Variants in ACAP3 observed in about 807,000 individuals in gnomAD.
ACAP3 encodes the protein arf-GAP with coiled-coil, ANK repeat and PH domain-containing protein 3.
Under a neutral mutation model 104.1 loss-of-function variants are expected in ACAP3, and 56 were observed. The observed-to-expected ratio is 0.54, with a 90% CI of 0.43 to 0.67. ACAP3 has a LOEUF of 0.67. Among genes scored for constraint, ACAP3 ranks in the 30% least tolerant of loss-of-function variants. The pLI, the probability that ACAP3 is intolerant of heterozygous loss-of-function variation, is 0.00. For missense variants in ACAP3, 1,208 were observed against 1,174.9 expected (o/e 1.03, Z -0.41); for synonymous variants, 628 against 496.2 (o/e 1.27, Z -3.53).
In ACAP3 at chr1:1,293,408, C is replaced by A; in HGVS notation, c.*156G>T. ...GACTCAGTGTGGGGCCCTCGCTCTCCTCCTGGGCGAGCAGGGCCGCGGCGC... is the reference window on the plus strand; with the variant it reads ...GACTCAGTGTGGGGCCCTCGCTCTCATCCTGGGCGAGCAGGGCCGCGGCGC... On this transcript the variant is annotated 3_prime_UTR_variant, in exon 24 of 24. Coordinates refer to ENST00000354700, the MANE Select transcript of ACAP3 (RefSeq NM_030649.3). 1 of 733,328 alleles carries A rather than the reference C, an allele frequency of 1.4e-6. No individual in the cohort carries two copies. Among genetic ancestry groups the A allele is most frequent in the African/African-American group, 1.9e-5 (1 of 52,312 alleles). 45.4% of individuals were successfully genotyped at this position (733,328 alleles called of 1,614,324 possible).
In ACAP3 at chr1:1,300,085, G is replaced by A; in HGVS notation, c.568-17C>T. 1 of 1,611,216 alleles carries A rather than the reference G, an allele frequency of 6.2e-7. No individual in the cohort carries two copies. The highest frequency in any genetic ancestry group is 8.5e-7 in the Non-Finnish European group (1 of 1,178,966). On this transcript the variant is annotated splice_polypyrimidine_tract_variant and intron_variant, in intron 7 of 23. Transcript: ENST00000354700. ...GGACAGCATCTGCGGGGGCAGCACA[G>A]GTGAGGCCCAAGCACACCCGGTCCA...
chr1:1,295,634 GGAGCCTGAGGTGCCCCCA>G, intron 18 of ACAP3, 80 bp from the exon 19 acceptor site: 3 of 1,560,216 alleles, frequency 1.9e-6, no homozygotes, highest in Non-Finnish European at 1.7e-6. Flanking sequence ...GGGAGTCTGC[GGAGCCTGAGGTGCCCCCA>G]GAGCCCTGCC....
chr1:1,295,839 C>G lies in ACAP3; in HGVS notation c.1602G>C (p.Arg534Ser). 6.2e-7 allele frequency: 1 copy of G among 1,611,420 alleles called. No individual in the cohort carries two copies. The highest frequency in any genetic ancestry group is 8.5e-7 in the Non-Finnish European group (1 of 1,179,968). Residue 534 changes from arginine to serine, a missense_variant, in exon 18 of 24, where the codon AGG becomes AGC. Physicochemically the swap from Arg to Ser is moderately radical, Grantham distance 110 (BLOSUM62 -1). Transcript: ENST00000354700. ...TGTGGGGCCGCAGGCACTTCTGCAC[C>G]CTCCAGCGTCTTGGGGCCTCCAGGG... The part of the protein sequence containing the change: ...APALEAPRRW[R>S]VQKCLRPHSS...
intron 4 of ACAP3, 88 bp from the exon 5 acceptor site, chr1:1,302,134 GC>G: frequency 1.7e-6 from 2 of 1,193,312 alleles, no homozygotes; most frequent in Non-Finnish European, 2.2e-6. Context: ...AGAGGGCACT[GC>G]CCCCAGGCCC....
At chr1:1,295,655 G>A in intron 18 of ACAP3, 81 bp downstream of exon 18, 1 of 1,550,698 alleles carries the variant, frequency 6.4e-7, no homozygotes, top group Non-Finnish European at 8.7e-7. Flanking sequence ...TGCCCCCAGA[G>A]CCCTGCCACC....
chr1:1,296,353 C>A, intron 15 of ACAP3, 72 bp downstream of exon 15: 1 of 1,534,928 alleles, frequency 6.5e-7, no homozygotes, highest in East Asian at 2.4e-5. Context: ...CACCCCCGGC[C>A]TGGCCCTCAG....
At position 1,298,357 on chromosome 1, in the gene ACAP3, G is replaced by A. The variant is rs769425311; in HGVS notation, c.915+13C>T. The stretch of plus-strand genomic sequence containing the variant: ...CCAGCCATCAGGGCCCCAGCCCCAG[G>A]CCCAGGGCACACCTTGAGCTTCTTC... On this transcript the variant is annotated intron_variant, in intron 12 of 23. Transcript: ENST00000354700. 6 of 1,605,550 alleles carry A rather than the reference G, an allele frequency of 3.7e-6. No homozygotes were observed. In the South Asian group the frequency reaches 5.5e-5, roughly 15 times the overall value.
intron 15 of ACAP3, 65 bp from the exon 16 acceptor site, chr1:1,296,345 C>T: frequency 1.3e-6 from 2 of 1,548,354 alleles, no homozygotes; most frequent in African/African-American, 1.4e-5. Context: ...CCAACCCCCA[C>T]CCCCGGCCTG....
chr1:1,303,337 C>T lies in ACAP3; in HGVS notation c.106-56G>A. On this transcript the variant is annotated intron_variant, in intron 2 of 23. Transcript: ENST00000354700. This position sits in a 1 kb window ranked among gnomAD's most constrained non-coding sequence, Gnocchi z 4.0. ...TGGGCACTGGCGCCTGCACTCGCCA[C>T]CACACACGGCCACTCAGAGGCAGGA... 3 of 1,537,840 alleles carry T rather than the reference C, an allele frequency of 2.0e-6. No individual in the cohort carries two copies. In the East Asian group the frequency reaches 7.4e-5, roughly 38 times the overall value.
In ACAP3 at chr1:1,297,832, C is replaced by G. The variant is rs146361230; in HGVS notation, c.1118G>C (p.Cys373Ser). The G allele has an allele frequency of 1.2e-6, 2 of 1,611,212 alleles. No homozygotes were observed. Among genetic ancestry groups the G allele is most frequent in the African/African-American group, 2.7e-5 (2 of 74,874 alleles). The change falls in exon 14 of 24, where the codon TGC becomes TCC. Residue 373 changes from cysteine (C) to serine (S), a missense_variant. Cys to Ser is a moderately radical substitution (Grantham distance 112). Coordinates refer to ENST00000354700, the MANE Select transcript of ACAP3 (RefSeq NM_030649.3). ...ASAYRESPDS[C>S]YSERLDRTAS... Reference sequence around the variant, plus strand: ...CACCAAGGGCCACACCTCGCTATAGCAACTGTCAGGGCTCTCGCGGTAGGC... The same window carrying G: ...CACCAAGGGCCACACCTCGCTATAGGAACTGTCAGGGCTCTCGCGGTAGGC...
chr1:1,297,779 G>A (rs372954341), intron 14 of ACAP3, 43 bp downstream of exon 14: 46 of 1,564,952 alleles, frequency 2.9e-5, no homozygotes, highest in Non-Finnish European at 3.3e-5. Flanking sequence ...CCGGTGGCAC[G>A]TGTGTGTGCA....
chr1:1,302,115 C>A, intron 4 of ACAP3, 69 bp from the exon 5 acceptor site: 1 of 1,338,028 alleles, frequency 7.5e-7, no homozygotes, highest in Non-Finnish European at 9.9e-7. Flanking sequence ...AGGCCCCATC[C>A]TCACCAGCAG....
rs1446010304 is a variant in ACAP3 at position 1,298,001 on chromosome 1, G to T, written c.1016+12C>A. On this transcript the variant is annotated intron_variant, in intron 13 of 23. Coordinates refer to ENST00000354700, the MANE Select transcript of ACAP3 (RefSeq NM_030649.3). ...TACGCCCCCCGCCCCACCCTGGGCT[G>T]GGCCTCCTCACTTGGTGGGTGACAG... 6.2e-7 allele frequency: 1 copy of T among 1,611,532 alleles called. No individual in the cohort carries two copies. Among genetic ancestry groups the T allele is most frequent in the Non-Finnish European group, 8.5e-7 (1 of 1,179,472 alleles).
Position 1,303,146 on chromosome 1 carries a change from T to C in ACAP3, c.225+16A>G. ...CCCAACCCCACCTTGAGGTCAGAGG[T>C]CAGTCGGCCCCTCACCGAGATGACG... On this transcript the variant is annotated intron_variant, in intron 3 of 23. Transcript: ENST00000354700. This position sits in a 1 kb window ranked among gnomAD's most constrained non-coding sequence, Gnocchi z 4.0. The C allele has an allele frequency of 6.3e-7, 1 of 1,581,606 alleles. No individual in the cohort carries two copies. The highest frequency in any genetic ancestry group is 8.6e-7 in the Non-Finnish European group (1 of 1,165,224).
chr1:1,299,767 T>A (rs28680956), intron 9 of ACAP3, 64 bp downstream of exon 9: 2 of 1,482,116 alleles, frequency 1.3e-6, no homozygotes. Flanking sequence ...GTGCCGGGCA[T>A]GGGGTGAGGA....
intron 6 of ACAP3, 30 bp downstream of exon 6, chr1:1,300,479 C>A: frequency 6.3e-7 from 1 of 1,584,744 alleles, no homozygotes; most frequent in South Asian, 1.1e-5. Context: ...ACAGCTGGTC[C>A]CCGCCCCCCA....
intron 1 of ACAP3, chr1:1,305,789 A>C (rs923764480): frequency 6.6e-6 from 1 of 152,234 alleles, no homozygotes; most frequent in African/African-American, 2.4e-5. Context: ...CACACTGAAC[A>C]GAGGCCAGGC....
chr1:1,306,686 TCAAG>T (rs1290347046), intron 1 of ACAP3, among the ~76,000 whole-genome samples: 1 of 152,078 alleles, frequency 6.6e-6, no homozygotes, highest in Non-Finnish European at 1.5e-5. Flanking sequence ...ACATACACAA[TCAAG>T]CACACATGTG....
intron 9 of ACAP3, 102 bp downstream of exon 9, chr1:1,299,729 A>G (rs1237559065): frequency 7.5e-7 from 1 of 1,329,728 alleles, no homozygotes; most frequent in Non-Finnish European, 1.0e-6. Flanking sequence ...CAGGTGGGAG[A>G]CAGGCAGGAG....
Sources: allele counts gnomAD v4.1 joint callset (sites outside exome capture counted in the v4.1 genomes callset), GRCh38; gene constraint gnomAD v4.1.1; non-coding constraint Gnocchi (gnomAD v3.1); transcripts MANE v1.5; gene names NCBI Gene and HGNC (gene_info 2026-07-23, HGNC 2026-07-21).